The following TTC19 variants were observed in gnomAD, a reference collection of about 807,000 sequenced individuals.
TTC19 encodes the protein tetratricopeptide repeat domain 19.
A neutral mutation model predicts 49.5 loss-of-function variants in TTC19; 38 were observed. That is an observed-to-expected ratio of 0.77 (90% confidence interval 0.59 to 1.01). The LOEUF is 1.01. Among genes scored for constraint, TTC19 ranks in the 50% least tolerant of loss-of-function variants. TTC19 has a pLI of 0.00. For synonymous variants in TTC19, 204 were observed against 185.2 expected (o/e 1.10, Z -0.83); for missense variants, 475 against 477.7 (o/e 0.99, Z 0.05).
intron 2 of TTC19, chr17:16,040,581 T>A: frequency 9.2e-7 from 1 of 1,089,442 alleles, no homozygotes; most frequent in Non-Finnish European, 1.3e-6. Flanking sequence ...ATAATAAAAT[T>A]AATCTTTTTA....
At chr17:16,005,772 C>T (rs567153137) in intron 6 of TTC19, among the ~76,000 whole-genome samples, 1 of 152,236 alleles carries the variant, frequency 6.6e-6, no homozygotes, top group South Asian at 2.1e-4. Flanking sequence ...TGTATGAGGT[C>T]AACAGTTGGA....
chr17:16,039,947 C>G, intron 2 of TTC19: 1 of 405,214 alleles, frequency 2.5e-6, no homozygotes, highest in South Asian at 2.1e-5. Context: ...CCCACCACCA[C>G]ACCAGGCTAA....
At chr17:16,002,996 G>A (rs1408714522) in intron 4 of TTC19, among the ~76,000 whole-genome samples, 165 bp downstream of exon 4, 1 of 152,146 alleles carries the variant, frequency 6.6e-6, no homozygotes, top group African/African-American at 2.4e-5. Context: ...TCCAGAGATA[G>A]GCTAAAGACT....
At chr17:16,044,448 CAGG>C (rs754213618) in intron 2 of TTC19, 26 of 472,126 alleles carry the variant, frequency 5.5e-5, no homozygotes, top group Non-Finnish European at 7.5e-5. Context: ...TTGACAGGAT[CAGG>C]AGACTAGTAG....
chr17:16,034,727 GCT>G (rs778388502), intron 2 of TTC19: 22 of 1,524,548 alleles, frequency 1.4e-5, no homozygotes, highest in Non-Finnish European at 1.9e-5. Context: ...TGATATTATT[GCT>G]CTGTCTCATT....
chr17:16,002,919 T>TAA, intron 4 of TTC19, 88 bp downstream of exon 4: 1 of 1,225,360 alleles, frequency 8.2e-7, no homozygotes, highest in Non-Finnish European at 1.2e-6. Flanking sequence ...TAAGCTGCTA[T>TAA]AACAAAGAGA....
Position 16,006,674 on chromosome 17 carries a change from A to G in TTC19, c.676+106A>G, listed in dbSNP as rs8078888. 0.047 allele frequency: 37,105 copies of G among 787,724 alleles called. 1,860 individuals carry two copies. Among genetic ancestry groups the G allele is most frequent in the African/African-American group, 0.21 (12,058 of 57,920 alleles). The allele number at this position is 787,724 out of a possible 1,614,324, so 48.8% of individuals were successfully genotyped here. Reference sequence around the variant, plus strand: ...AAATTGGGAAGAGGGAAAGTTACCTATTTTGCAAAATAAGTGTCTGTCTTT... The same window carrying G: ...AAATTGGGAAGAGGGAAAGTTACCTGTTTTGCAAAATAAGTGTCTGTCTTT... On this transcript the variant is annotated intron_variant, in intron 7 of 9. Transcript: ENST00000261647.
At chr17:16,011,236 A>G (rs1971060140) in intron 7 of TTC19, among the ~76,000 whole-genome samples, 1 of 152,196 alleles carries the variant, frequency 6.6e-6, no homozygotes, top group Non-Finnish European at 1.5e-5. Flanking sequence ...GCTGGAGTGC[A>G]GTGGCTCAAT....
intron 7 of TTC19, among the ~76,000 whole-genome samples, chr17:16,014,688 A>G (rs1971164237): frequency 2.0e-5 from 3 of 152,232 alleles, no homozygotes. Flanking sequence ...GGCAGTATCC[A>G]AAGGAAATAT....
chr17:16,009,993 G>A (rs1304441372), intron 7 of TTC19, among the ~76,000 whole-genome samples: 1 of 151,566 alleles, frequency 6.6e-6, no homozygotes, highest in Non-Finnish European at 1.5e-5. Context: ...TTTTATTTGT[G>A]TTTCTCTGAG....
Position 16,041,775 on chromosome 17 carries a change from C to T in TTC19, c.248-2728C>T, listed in dbSNP as rs561405491. ...TTTTTAAGACGGAGTCTCACTCTGC[C>T]GCCCAGGCTGGAGTGCAGCGGTGCG... is the stretch of plus-strand genomic sequence containing the variant. On this transcript the variant is annotated intron_variant, in intron 2 of 2. Coordinates refer to the TTC19 transcript ENST00000470649. Among the ~76,000 whole-genome samples the T allele has an allele frequency of 1.6e-4, 24 of 151,670 alleles. No individual in the cohort carries two copies. In the East Asian group the frequency reaches 3.7e-3, roughly 23 times the overall value.
At chr17:16,036,410 T>C (rs2056374852) in intron 2 of TTC19, among the ~76,000 whole-genome samples, 1 of 152,156 alleles carries the variant, frequency 6.6e-6, no homozygotes, top group South Asian at 2.1e-4. Context: ...TTCAGAATGG[T>C]AAAGGAGCAC....
At position 16,006,587 on chromosome 17, in the gene TTC19, G is replaced by C; in HGVS notation, c.676+19G>C. The C allele has an allele frequency of 6.8e-7, 1 of 1,465,416 alleles. No homozygotes were observed. Among genetic ancestry groups the C allele is most frequent in the African/African-American group, 1.4e-5 (1 of 72,078 alleles). The allele number at this position is 1,465,416 out of a possible 1,614,324, so 90.8% of individuals were successfully genotyped here. ...ATGTCAGGTAGGAAACCCATTATCT[G>C]GGCATTGCCTTTTCTCCACAAAAGG... On this transcript the variant is annotated intron_variant, in intron 7 of 9. Coordinates refer to ENST00000261647, the MANE Select transcript of TTC19 (RefSeq NM_017775.4).
At position 16,034,878 on chromosome 17, in the gene TTC19, C is replaced by T. The variant is rs1287401421; in HGVS notation, c.247+8176C>T. On this transcript the variant is annotated intron_variant, in intron 2 of 2. Coordinates refer to the TTC19 transcript ENST00000470649. Reference sequence around the variant, plus strand: ...CCGTTCCGTTCCTAAGTAGCCTTGCCCAGGTATAGGAGACTTAGATTTCCT... The same window carrying T: ...CCGTTCCGTTCCTAAGTAGCCTTGCTCAGGTATAGGAGACTTAGATTTCCT... The T allele has an allele frequency of 8.7e-6, 14 of 1,613,894 alleles. No homozygotes were observed. In the South Asian group the frequency reaches 1.5e-4, roughly 18 times the overall value.
chr17:16,000,426 G>A (rs887748461), intron 2 of TTC19, 181 bp downstream of exon 2: 1 of 1,450,586 alleles, frequency 6.9e-7, no homozygotes, highest in Admixed American at 2.3e-5. Context: ...AGGCTTTTCC[G>A]ACTCTAAGGC....
At chr17:16,030,385 C>T, downstream of TTC19, 1 of 214,674 alleles carries the variant, frequency 4.7e-6, no homozygotes, top group Admixed American at 5.9e-5. Context: ...TATTCTGACT[C>T]AGAATAGCTT....
At chr17:16,022,597 G>T (rs1338003916) in intron 7 of TTC19, among the ~76,000 whole-genome samples, 1 of 152,204 alleles carries the variant, frequency 6.6e-6, no homozygotes, top group Non-Finnish European at 1.5e-5. Flanking sequence ...TCCTAAATTA[G>T]AGATGCTCTT....
At chr17:16,034,493 A>T (rs552765289) in intron 2 of TTC19, among the ~76,000 whole-genome samples, 112 of 152,224 alleles carry the variant, frequency 7.4e-4, no homozygotes, top group African/African-American at 2.6e-3. Context: ...CTGTAGTCCC[A>T]GCTACTTGGG....
chr17:16,000,149 A>AGAG lies in TTC19; in HGVS notation c.226_228dup (p.Glu76dup), dbSNP rs754869692. On this transcript the variant is annotated inframe_insertion, in exon 2 of 10. Coordinates refer to ENST00000261647, the MANE Select transcript of TTC19 (RefSeq NM_017775.4). ...CCTGGTTCTCGAGGCCCGCTGCGGCAGAGGAGGAGGAGCAGCAGGGAGCCG... is the reference window on the plus strand; with the variant it reads ...CCTGGTTCTCGAGGCCCGCTGCGGCAGAGGAGGAGGAGGAGCAGCAGGGAGCCG... 1 of 1,584,164 alleles carries AGAG rather than the reference A, an allele frequency of 6.3e-7. No homozygotes were observed. Among genetic ancestry groups the AGAG allele is most frequent in the Non-Finnish European group, 8.5e-7 (1 of 1,173,690 alleles).
Sources: gnomAD v4.1 joint callset for allele counts (sites outside exome capture counted in the v4.1 genomes callset) on GRCh38, gnomAD v4.1.1 for gene constraint, MANE v1.5 for transcripts, NCBI Gene and HGNC (gene_info 2026-07-23, HGNC 2026-07-21) for gene names.